The following HOXB3 variants were observed in gnomAD, a reference collection of about 807,000 sequenced individuals.
HOXB3 encodes the protein homeobox B3, also known as homeobox protein Hox-B3.
A neutral mutation model predicts 29.2 loss-of-function variants in HOXB3; 17 were observed. The observed-to-expected ratio is 0.58, with a 90% CI of 0.40 to 0.87. HOXB3 has a LOEUF of 0.87. Ranked by LOEUF, HOXB3 falls within the 40% of genes least tolerant of loss-of-function variation. The pLI, the probability that HOXB3 is intolerant of heterozygous loss-of-function variation, is 0.00. For missense variants in HOXB3, 637 were observed against 616.3 expected (o/e 1.03, Z -0.35); for synonymous variants, 317 against 285.9 (o/e 1.11, Z -1.10).
At chr17:48,566,430 C>G (rs2069389401) in intron 2 of HOXB3, among the ~76,000 whole-genome samples, 1 of 143,892 alleles carries the variant, frequency 6.9e-6, no homozygotes, top group Non-Finnish European at 1.5e-5. Flanking sequence ...CCAGAGGAGA[C>G]AAAGACCTGA....
chr17:48,552,819 A>C, intron 3 of HOXB3, 187 bp from the exon 4 acceptor site: 6 of 248,564 alleles, frequency 2.4e-5, no homozygotes, highest in East Asian at 8.2e-5. Context: ...AAAATAAATA[A>C]AGACTATATG....
At chr17:48,579,034 TAGGAA>T (rs1173058591) in intron 1 of HOXB3, 2 of 152,196 alleles carry the variant, frequency 1.3e-5, no homozygotes, top group Non-Finnish European at 2.9e-5. Flanking sequence ...GGCGGATCGA[TAGGAA>T]ATTCATGCAC....
At chr17:48,582,575 TGC>T (rs2069969934) in intron 1 of HOXB3, 1 of 152,208 alleles carries the variant, frequency 6.6e-6, no homozygotes, top group African/African-American at 2.4e-5. Context: ...CGCCGTGACC[TGC>T]GGTTCACCTC....
At position 48,552,382 on chromosome 17, in the gene HOXB3, G is replaced by C. The variant is rs769744799; in HGVS notation, c.93C>G (p.Val31=). 1.2e-6 allele frequency: 2 copies of C among 1,613,202 alleles called. No individual in the cohort carries two copies. Among genetic ancestry groups the C allele is most frequent in the Non-Finnish European group, 1.7e-6 (2 of 1,179,398 alleles). ...YPGSNGFGFD[V]PPQPPFQAAT... The stretch of plus-strand genomic sequence containing the variant: ...CGGCCTGAAATGGGGGTTGGGGGGG[G>C]ACATCGAAGCCGAAGCCATTGCTGC... The change falls in exon 4 of 5, where the codon GTC becomes GTG. Residue 31 remains valine, a synonymous_variant. Coordinates refer to ENST00000498678, the MANE Select transcript of HOXB3 (RefSeq NM_001384749.1).
At chr17:48,556,559 A>C (rs1249484024) in intron 2 of HOXB3, 1 of 151,754 alleles carries the variant, frequency 6.6e-6, no homozygotes, top group Non-Finnish European at 1.5e-5. Flanking sequence ...TTAAAAAAAA[A>C]AAAAAAAAAA....
chr17:48,554,392 T>C lies in HOXB3; in HGVS notation c.-159+1139A>G, dbSNP rs1275069652. 7.4e-6 allele frequency: 4 copies of C among 543,362 alleles called. No homozygotes were observed. The Admixed American group carries it at 1.3e-4, about 18-fold the overall frequency. The allele number at this position is 543,362 out of a possible 1,614,324, so 33.7% of individuals were successfully genotyped here. ...TAAAACAATAATTTAACTAGATGCCTGGGGCCGAAATTCCTGCCGCTCCCC... is the reference window on the plus strand; with the variant it reads ...TAAAACAATAATTTAACTAGATGCCCGGGGCCGAAATTCCTGCCGCTCCCC... On this transcript the variant is annotated intron_variant, in intron 3 of 4. Transcript: ENST00000498678. The surrounding 1 kb of genome is among the most constrained non-coding windows in gnomAD (Gnocchi z 4.1).
chr17:48,580,486 T>G (rs1195431126), intron 1 of HOXB3: 1 of 152,032 alleles, frequency 6.6e-6, no homozygotes, highest in Non-Finnish European at 1.5e-5. Context: ...ATAAAAGTCC[T>G]TTTGGAAAAA....
intron 1 of HOXB3, chr17:48,577,145 G>T: frequency 1.1e-6 from 1 of 928,912 alleles, no homozygotes; most frequent in Non-Finnish European, 1.5e-6. Flanking sequence ...TCCTTCTGAG[G>T]GAGAGCGGGG....
chr17:48,567,967 C>T (rs2144838064), intron 2 of HOXB3, among the ~76,000 whole-genome samples: 1 of 152,284 alleles, frequency 6.6e-6, no homozygotes, highest in East Asian at 1.9e-4. Context: ...TTGGGTGATT[C>T]CTTTTCCACC....
chr17:48,572,627 T>A (rs1410804256), intron 2 of HOXB3, among the ~76,000 whole-genome samples: 1 of 152,114 alleles, frequency 6.6e-6, no homozygotes, highest in Non-Finnish European at 1.5e-5. Flanking sequence ...CTGCTGAAGG[T>A]GCTGTGTACA....
chr17:48,576,481 A>G (rs2069766525), intron 1 of HOXB3: 4 of 392,806 alleles, frequency 1.0e-5, no homozygotes, highest in South Asian at 1.3e-4. Context: ...TTTTTAAGAA[A>G]GAAAGCAAGA....
chr17:48,566,604 C>A (rs573240208), intron 2 of HOXB3, among the ~76,000 whole-genome samples: 86 of 152,226 alleles, frequency 5.6e-4, no homozygotes, highest in African/African-American at 2.0e-3. Context: ...GACTGGCTCT[C>A]CATGCTAGCT....
At chr17:48,555,910 A>T (rs2068969831) in intron 2 of HOXB3, among the ~76,000 whole-genome samples, 1 of 152,184 alleles carries the variant, frequency 6.6e-6, no homozygotes, top group Admixed American at 6.5e-5. Flanking sequence ...TTGCCCTATA[A>T]GACTGGTACG....
intron 2 of HOXB3, among the ~76,000 whole-genome samples, chr17:48,561,048 C>T (rs1409755858): frequency 1.3e-5 from 2 of 152,058 alleles, no homozygotes; most frequent in Non-Finnish European, 2.9e-5. Context: ...GGTGTGGTGG[C>T]GCATGCCTGT....
chr17:48,556,480 T>C (rs947008955), intron 2 of HOXB3: 1 of 150,300 alleles, frequency 6.7e-6, no homozygotes, highest in Non-Finnish European at 1.5e-5. Flanking sequence ...ACACCCTCTC[T>C]ATTCCTCCCA....
chr17:48,584,502 A>T (rs2070009837), intron 1 of HOXB3, among the ~76,000 whole-genome samples: 2 of 152,224 alleles, frequency 1.3e-5, no homozygotes, highest in Admixed American at 1.3e-4. Context: ...CCTTTAGGGC[A>T]AGCAGAGTGA....
intron 2 of HOXB3, among the ~76,000 whole-genome samples, chr17:48,569,045 C>G (rs758628536): frequency 1.2e-4 from 15 of 125,172 alleles, no homozygotes; most frequent in African/African-American, 4.3e-4. Context: ...CTCTCTCTCT[C>G]TCTCCCTCTC....
At chr17:48,567,607 C>G (rs927074745) in intron 2 of HOXB3, among the ~76,000 whole-genome samples, 1 of 152,202 alleles carries the variant, frequency 6.6e-6, no homozygotes, top group South Asian at 2.1e-4. Context: ...AGAAAGTTAA[C>G]AGCTCTTCCC....
rs906492056 is a variant in HOXB3 at position 48,550,073 on chromosome 17, G to A, written c.*261C>T. ...GTGGAATTCCAACTTGGTAGTGCTG[G>A]AGCCCTGGGGTTGATGGGGTCATCT... On this transcript the variant is annotated 3_prime_UTR_variant, in exon 5 of 5. Transcript: ENST00000498678. The A allele has an allele frequency of 6.6e-6, 3 of 452,080 alleles. No homozygotes were observed. The highest frequency in any genetic ancestry group is 4.0e-5 in the African/African-American group (2 of 49,594). 28.0% of individuals were successfully genotyped at this position (452,080 alleles called of 1,614,324 possible).
Sources: gnomAD v4.1 joint callset for allele counts (sites outside exome capture counted in the v4.1 genomes callset) on GRCh38, gnomAD v4.1.1 for gene constraint, Gnocchi (gnomAD v3.1) non-coding constraint, MANE v1.5 for transcripts, NCBI Gene and HGNC (gene_info 2026-07-23, HGNC 2026-07-21) for gene names.